SWAP70: variants seen among roughly 807,000 people sequenced by gnomAD.
SWAP70 encodes switch-associated protein 70.
SWAP70 carries 34 observed loss-of-function variants against 80.2 expected under a neutral mutation model. The ratio of observed to expected loss-of-function variants is 0.42; its 90% CI spans 0.32 to 0.56. The LOEUF (loss-of-function observed/expected upper bound fraction) is 0.56. SWAP70 is among the 20% of genes least tolerant of loss of function. The pLI is 0.09. For missense variants in SWAP70, 578 were observed against 690.7 expected (o/e 0.84, Z 1.83); for synonymous variants, 239 against 238.5 (o/e 1.00, Z -0.02).
chr11:9,671,523 AATATATAAAT>A (rs1199834230), intron 1 of SWAP70, among the ~76,000 whole-genome samples: 1 of 52,160 alleles, frequency 1.9e-5, no homozygotes, highest in Non-Finnish European at 3.8e-5. Flanking sequence ...TATATATATA[AATATATAAAT>A]ATATAGAAAT....
At position 9,750,051 on chromosome 11, in the gene SWAP70, T is replaced by C. The variant is rs553319746; in HGVS notation, c.*81T>C. On this transcript the variant is annotated 3_prime_UTR_variant, in exon 12 of 12. Coordinates refer to ENST00000318950, the MANE Select transcript of SWAP70 (RefSeq NM_015055.4). ...TACGCTAAAGACAAAAGAAACAGCT[T>C]TGGGGGCCGGGCGTGGTGGCTCACG... 2.5e-5 allele frequency: 26 copies of C among 1,052,114 alleles called. No individual in the cohort carries two copies. The highest frequency in any genetic ancestry group is 1.8e-4 in the Admixed American group (9 of 49,138). 65.2% of individuals were successfully genotyped at this position (1,052,114 alleles called of 1,614,324 possible). A position where few individuals can be genotyped will look rare whatever the true frequency, so the allele number is the denominator to read the frequency against.
At chr11:9,746,099 C>G (rs1026199049) in intron 9 of SWAP70, among the ~76,000 whole-genome samples, 2 of 152,206 alleles carry the variant, frequency 1.3e-5, no homozygotes, top group Non-Finnish European at 2.9e-5. Flanking sequence ...GATGAATTCT[C>G]TACTGGCTCT....
intron 4 of SWAP70, among the ~76,000 whole-genome samples, chr11:9,727,632 G>T (rs1180193158): frequency 6.6e-6 from 1 of 152,162 alleles, no homozygotes; most frequent in Non-Finnish European, 1.5e-5. Flanking sequence ...ACCAGCTCCA[G>T]TAACCACCAC....
At chr11:9,694,113 G>A in intron 1 of SWAP70, 33 bp from the exon 2 acceptor site, 1 of 1,565,904 alleles carries the variant, frequency 6.4e-7, no homozygotes, top group Non-Finnish European at 8.7e-7. Flanking sequence ...CTGGTTAGTG[G>A]GAGTCTTTAA....
intron 7 of SWAP70, 105 bp downstream of exon 7, chr11:9,732,815 T>G: frequency 9.2e-7 from 1 of 1,092,358 alleles, no homozygotes; most frequent in Non-Finnish European, 1.3e-6. Flanking sequence ...TAGTGCAGTT[T>G]TAGGGAGATA....
chr11:9,708,783 A>G (rs1216296328), intron 2 of SWAP70, among the ~76,000 whole-genome samples: 1 of 152,042 alleles, frequency 6.6e-6, no homozygotes, highest in Non-Finnish European at 1.5e-5. Flanking sequence ...GTGTGGATAG[A>G]GTTGGTGGTG....
chr11:9,724,486 G>A (rs371387449), intron 3 of SWAP70, among the ~76,000 whole-genome samples, 172 bp from the exon 4 acceptor site: 1 of 152,104 alleles, frequency 6.6e-6, no homozygotes, highest in Non-Finnish European at 1.5e-5. Context: ...CAGACCAGTG[G>A]CATTTTATTT....
At chr11:9,718,007 C>T (rs1851087554) in intron 3 of SWAP70, among the ~76,000 whole-genome samples, 1 of 152,222 alleles carries the variant, frequency 6.6e-6, no homozygotes, top group African/African-American at 2.4e-5. Flanking sequence ...GTGCTGCAGG[C>T]ATCCCGAAGG....
chr11:9,740,104 ACC>A, intron 8 of SWAP70, 75 bp from the exon 9 acceptor site: 1 of 1,392,326 alleles, frequency 7.2e-7, no homozygotes, highest in South Asian at 1.4e-5. Flanking sequence ...GCTGTGGGCA[ACC>A]CCTCAGGTGG....
chr11:9,670,621 C>T (rs931498615), intron 1 of SWAP70, among the ~76,000 whole-genome samples: 2 of 151,890 alleles, frequency 1.3e-5, no homozygotes, highest in Non-Finnish European at 2.9e-5. Flanking sequence ...ATGAGAGGAA[C>T]AAGAAAAGCA....
At chr11:9,704,368 CT>C (rs60473855) in intron 2 of SWAP70, among the ~76,000 whole-genome samples, 45,901 of 147,338 alleles carry the variant, frequency 0.31, 7,289 homozygotes, top group Non-Finnish European at 0.33. Flanking sequence ...CATCTTCCCT[CT>C]TTTTTTTTTT....
intron 1 of SWAP70, among the ~76,000 whole-genome samples, chr11:9,686,344 CTTAT>C (rs139472434): frequency 1.8e-4 from 26 of 143,880 alleles, no homozygotes; most frequent in African/African-American, 5.1e-4. Context: ...CTTTTATTTT[CTTAT>C]TTATTTATTT....
chr11:9,665,566 C>T (rs1024883167), intron 1 of SWAP70, among the ~76,000 whole-genome samples: 1 of 152,128 alleles, frequency 6.6e-6, no homozygotes, highest in African/African-American at 2.4e-5. Flanking sequence ...TGTCGGCAAC[C>T]ATTGATCTTT....
rs1851605517 is a variant in SWAP70, at chr11:9,752,628, TG to T, written c.*2660del. 6.6e-6 allele frequency: 1 copy of T among 152,248 alleles called. No individual in the cohort carries two copies. The highest frequency in any genetic ancestry group is 2.4e-5 in the African/African-American group (1 of 41,460). The allele number at this position is 152,248 out of a possible 1,614,324, so 9.4% of individuals were successfully genotyped here. On this transcript the variant is annotated 3_prime_UTR_variant, in exon 12 of 12. Coordinates refer to ENST00000318950, the MANE Select transcript of SWAP70 (RefSeq NM_015055.4). ...CCTGTTAAAGGGCCAACAGAACTCT[TG>T]GTTTTACTTTTGTAATTACTGTACA...
intron 1 of SWAP70, among the ~76,000 whole-genome samples, chr11:9,667,286 G>C (rs911016496): frequency 6.6e-6 from 1 of 151,374 alleles, no homozygotes; most frequent in Non-Finnish European, 1.5e-5. Flanking sequence ...GGGTCTTGCT[G>C]TGTCACCCAG....
intron 1 of SWAP70, among the ~76,000 whole-genome samples, chr11:9,673,068 T>A (rs1850440292): frequency 6.6e-6 from 1 of 152,096 alleles, no homozygotes; most frequent in African/African-American, 2.4e-5. Flanking sequence ...CTGGGTATCC[T>A]CCAGTTCAAT....
At chr11:9,732,420 C>T in intron 6 of SWAP70, 109 bp from the exon 7 acceptor site, 1 of 1,099,140 alleles carries the variant, frequency 9.1e-7, no homozygotes, top group Non-Finnish European at 1.3e-6. Flanking sequence ...CTACACTGGG[C>T]CTTCTGGCTC....
rs1261425106 is a variant in SWAP70, at chr11:9,713,585, T to C, written c.360T>C (p.Val120=). The part of the protein sequence containing the change: ...ITEEDAFKIW[V]IFNFLSEDKY... ...AAGAAGATGCATTTAAAATATGGGT[T>C]ATTTTCAACTTTTTATCTGAGGACA... The change falls in exon 3 of 12, where the codon GTT becomes GTC. Residue 120 remains valine, a synonymous_variant. Transcript: ENST00000318950. The C allele has an allele frequency of 1.9e-6, 3 of 1,613,996 alleles. No individual in the cohort carries two copies. The highest frequency in any genetic ancestry group is 2.5e-6 in the Non-Finnish European group (3 of 1,179,948).
intron 7 of SWAP70, among the ~76,000 whole-genome samples, chr11:9,733,618 T>C (rs1006783155): frequency 6.6e-6 from 1 of 152,242 alleles, no homozygotes; most frequent in Non-Finnish European, 1.5e-5. Flanking sequence ...ACTTACTTTC[T>C]AAAAGCAGCT....
Sources: allele counts gnomAD v4.1 joint callset (sites outside exome capture counted in the v4.1 genomes callset), GRCh38; gene constraint gnomAD v4.1.1; transcripts MANE v1.5; gene names NCBI Gene and HGNC (gene_info 2026-07-23, HGNC 2026-07-21).